The following TNRC6A variants were observed in gnomAD, a reference collection of about 807,000 sequenced individuals.
TNRC6A encodes trinucleotide repeat-containing gene 6A protein.
In TNRC6A, 44 loss-of-function variants were observed where a neutral mutation model predicts 221.2. That is an observed-to-expected ratio of 0.20 (90% confidence interval 0.16 to 0.26). The LOEUF (loss-of-function observed/expected upper bound fraction) is 0.26, where lower values mean the gene tolerates loss of function less well. TNRC6A is among the 10% of genes least tolerant of loss of function. The pLI is 1.00. For synonymous variants in TNRC6A, 847 were observed against 838.5 expected, an observed-to-expected ratio of 1.01 and a Z score of -0.18; for missense variants, 2,199 against 2,404.4, an observed-to-expected ratio of 0.91 and a Z score of 1.79.
intron 1 of TNRC6A, among the ~76,000 whole-genome samples, chr16:24,634,221 G>A (rs907302294): frequency 3.9e-5 from 6 of 152,078 alleles, no homozygotes; most frequent in African/African-American, 1.2e-4. Context: ...GAGCTCAGGA[G>A]TTGAAGGCCA....
chr16:24,732,464 C>G (rs913035648), intron 2 of TNRC6A, among the ~76,000 whole-genome samples: 8 of 152,182 alleles, frequency 5.3e-5, no homozygotes, highest in African/African-American at 1.9e-4. Flanking sequence ...TACATGGACT[C>G]ATCTGATCCT....
At chr16:24,698,077 C>T (rs1415790554) in intron 2 of TNRC6A, among the ~76,000 whole-genome samples, 3 of 151,004 alleles carry the variant, frequency 2.0e-5, no homozygotes, top group African/African-American at 7.3e-5. Flanking sequence ...CCTATAATCC[C>T]AGCACTTTGA....
intron 5 of TNRC6A, among the ~76,000 whole-genome samples, chr16:24,780,092 C>CT (rs2057808320): frequency 6.6e-6 from 1 of 152,096 alleles, no homozygotes; most frequent in Admixed American, 6.5e-5. Flanking sequence ...GATGACTAGG[C>CT]TCAACAGGAG....
intron 2 of TNRC6A, among the ~76,000 whole-genome samples, chr16:24,668,174 A>G (rs2055213364): frequency 6.6e-6 from 1 of 151,918 alleles, no homozygotes; most frequent in South Asian, 2.1e-4. Flanking sequence ...CTAAAAGTAC[A>G]AAAATTAGCC....
intron 4 of TNRC6A, among the ~76,000 whole-genome samples, chr16:24,774,609 G>A (rs1001679343): frequency 1.3e-5 from 2 of 152,046 alleles, no homozygotes; most frequent in African/African-American, 4.8e-5. Context: ...TAATGAAGTG[G>A]CAACAAACCT....
At chr16:24,653,438 A>C (rs56331537) in intron 2 of TNRC6A, among the ~76,000 whole-genome samples, 1 of 152,194 alleles carries the variant, frequency 6.6e-6, no homozygotes, top group Non-Finnish European at 1.5e-5. Context: ...AAAATACATC[A>C]GAAATACAAA....
At chr16:24,731,321 C>G (rs2056635688) in intron 2 of TNRC6A, among the ~76,000 whole-genome samples, 1 of 152,092 alleles carries the variant, frequency 6.6e-6, no homozygotes, top group Non-Finnish European at 1.5e-5. Flanking sequence ...ACTCACATTT[C>G]AAATCGTCTG....
intron 2 of TNRC6A, among the ~76,000 whole-genome samples, chr16:24,694,740 C>T (rs1270522206): frequency 6.6e-6 from 1 of 150,562 alleles, no homozygotes; most frequent in Non-Finnish European, 1.5e-5. Flanking sequence ...TCAAGACCAG[C>T]CTGGGCAACG....
At chr16:24,672,231 G>C (rs1014358505) in intron 2 of TNRC6A, among the ~76,000 whole-genome samples, 37 of 149,396 alleles carry the variant, frequency 2.5e-4, no homozygotes, top group Non-Finnish European at 4.5e-4. Context: ...ACGCCATTCT[G>C]CTGCCTCAGC....
chr16:24,637,932 G>A (rs891859979), intron 1 of TNRC6A, among the ~76,000 whole-genome samples: 1 of 151,928 alleles, frequency 6.6e-6, no homozygotes, highest in Non-Finnish European at 1.5e-5. Context: ...CTACCAGCTC[G>A]CGCCACCACA....
Position 24,792,732 on chromosome 16 carries a change from A to C in TNRC6A, c.3176-741A>C, listed in dbSNP as rs532546718. On this transcript the variant is annotated intron_variant, in intron 6 of 24. Transcript: ENST00000395799. ...GGTGACCCATTATTGTTAGCTGGGT[A>C]GTAAATTGTTTTTCCAGTGTAGGTG... Among the ~76,000 whole-genome samples the C allele has an allele frequency of 1.1e-4, 16 of 143,360 alleles. No individual in the cohort carries two copies. In the East Asian group the frequency reaches 3.2e-3, roughly 28 times the overall value. 94.0% of individuals were successfully genotyped at this position (143,360 alleles called of 152,430 possible).
chr16:24,679,697 G>A (rs771946870), intron 2 of TNRC6A, among the ~76,000 whole-genome samples: 25 of 151,064 alleles, frequency 1.7e-4, no homozygotes, highest in Non-Finnish European at 2.8e-4. Flanking sequence ...GGCTGGTCTC[G>A]AACTCCTGAG....
At chr16:24,755,650 C>T (rs960042223) in intron 3 of TNRC6A, among the ~76,000 whole-genome samples, 6 of 152,184 alleles carry the variant, frequency 3.9e-5, no homozygotes, top group African/African-American at 1.4e-4. Flanking sequence ...GAGGTCTTAA[C>T]GAAGTGTGCT....
intron 2 of TNRC6A, among the ~76,000 whole-genome samples, chr16:24,730,756 C>A: frequency 1.1e-5 from 1 of 91,338 alleles, no homozygotes. Context: ...CCCCCCCCCC[C>A]CATACATTGT....
rs974813313 is a variant in TNRC6A, at chr16:24,822,803, G to A, written c.5374-71G>A. The stretch of plus-strand genomic sequence containing the variant: ...CAGGAAAGAGAGGAGGGGCAGCAGT[G>A]CAGCCTGAAACAGCCTCCTGGAGGG... On this transcript the variant is annotated intron_variant, in intron 23 of 24. Transcript: ENST00000395799. The A allele has an allele frequency of 6.3e-6, 10 of 1,594,478 alleles. No individual in the cohort carries two copies. In the African/African-American group the frequency reaches 1.1e-4, roughly 17 times the overall value.
intron 2 of TNRC6A, among the ~76,000 whole-genome samples, chr16:24,649,009 G>A (rs917715457): frequency 4.6e-5 from 7 of 152,046 alleles, no homozygotes; most frequent in South Asian, 2.1e-4. Flanking sequence ...GGCCGGGTGC[G>A]GTGGCTCACG....
chr16:24,670,046 C>T (rs983306442), intron 2 of TNRC6A, among the ~76,000 whole-genome samples: 3 of 145,462 alleles, frequency 2.1e-5, no homozygotes, highest in Admixed American at 1.4e-4. Context: ...ACCTCCCAGG[C>T]TCAAGCAATT....
intron 1 of TNRC6A, among the ~76,000 whole-genome samples, chr16:24,638,933 G>A (rs576857194): frequency 7.2e-5 from 11 of 152,270 alleles, no homozygotes; most frequent in Non-Finnish European, 2.9e-5. Flanking sequence ...GACTTAGGAG[G>A]TCAAGTAAAA....
At chr16:24,726,280 A>C (rs2056489908), upstream of TNRC6A, among the ~76,000 whole-genome samples, 1 of 152,064 alleles carries the variant, frequency 6.6e-6, no homozygotes, top group Non-Finnish European at 1.5e-5. Flanking sequence ...GGGGAAGAAC[A>C]GAAGTCTGGA....
Sources: gnomAD v4.1 joint callset for allele counts (sites outside exome capture counted in the v4.1 genomes callset) on GRCh38, gnomAD v4.1.1 for gene constraint, MANE v1.5 for transcripts, NCBI Gene and HGNC (gene_info 2026-07-23, HGNC 2026-07-21) for gene names.